Variants in CIROZ observed in about 807,000 individuals in gnomAD.
The protein encoded by CIROZ is ciliated left-right organizer protein containing ZP-N domains, also known as ciliated left-right organizer ZP-N domains-containing protein.
At chr1:10,954,453 C>CAAAAAAA in the CIROZ span, among the ~76,000 whole-genome samples, 1 of 117,334 alleles carries the variant, frequency 8.5e-6, no homozygotes, top group Admixed American at 8.0e-5. Context: ...GACTCTGTCT[C>CAAAAAAA]AAAAAAAAAA....
At chr1:10,957,252 T>C in the CIROZ span, 40 of 651,334 alleles carry the variant, frequency 6.1e-5, no homozygotes, top group Non-Finnish European at 7.4e-5. Context: ...TCAGGGATTA[T>C]GGCGCCGATG....
the CIROZ span, chr1:10,947,850 CTCAGGGTTTGCG>C: frequency 6.2e-7 from 1 of 1,606,192 alleles, no homozygotes; most frequent in African/African-American, 1.3e-5. Context: ...AGCCCACAGG[CTCAGGGTTTGCG>C]TGGATGGAGG....
At chr1:10,971,744 CGCACTGAG>C in the CIROZ span, among the ~76,000 whole-genome samples, 1 of 152,134 alleles carries the variant, frequency 6.6e-6, no homozygotes, top group Admixed American at 6.5e-5. Context: ...AAGGTTGTCT[CGCACTGAG>C]GCAAAGAGAA....
At chr1:10,981,977 T>C in the CIROZ span, 1 of 1,537,078 alleles carries the variant, frequency 6.5e-7, no homozygotes, top group African/African-American at 1.4e-5. Context: ...AGCATGCCAC[T>C]GGCTTCTCCC....
At chr1:10,947,676 C>T in the CIROZ span, 1 of 1,505,424 alleles carries the variant, frequency 6.6e-7, no homozygotes, top group Non-Finnish European at 8.9e-7. Context: ...GCGTGAGGGC[C>T]TCTCAGAAAG....
chr1:10,949,784 G>A, the CIROZ span: 7 of 1,573,142 alleles, frequency 4.4e-6, no homozygotes, highest in Non-Finnish European at 6.0e-6. Context: ...CCTCAGTGCA[G>A]CAGTTGAGGC....
At chr1:10,981,899 C>G in the CIROZ span, 1 of 1,375,680 alleles carries the variant, frequency 7.3e-7, no homozygotes, top group Non-Finnish European at 9.9e-7. Flanking sequence ...GCCCCCTTCC[C>G]TCTTAGATGC....
the CIROZ span, among the ~76,000 whole-genome samples, chr1:10,955,777 G>A: frequency 4.4e-4 from 66 of 150,632 alleles, no homozygotes; most frequent in African/African-American, 1.5e-3. Context: ...CCTGGAGGTG[G>A]AGGTTGCAAT....
chr1:10,978,543 T>C, the CIROZ span, among the ~76,000 whole-genome samples: 1 of 151,774 alleles, frequency 6.6e-6, no homozygotes, highest in African/African-American at 2.4e-5. Flanking sequence ...ACTCGATGTC[T>C]ACAAAAAGAT....
chr1:10,955,088 T>C, the CIROZ span: 3 of 1,614,078 alleles, frequency 1.9e-6, no homozygotes. Flanking sequence ...CGGAGGAATC[T>C]GAGGCTCAGG....
the CIROZ span, among the ~76,000 whole-genome samples, chr1:10,973,146 G>A: frequency 6.6e-6 from 1 of 152,172 alleles, no homozygotes; most frequent in African/African-American, 2.4e-5. Flanking sequence ...GCCGAAGTGG[G>A]CAGATCACTT....
chr1:10,980,525 A>T, the CIROZ span, among the ~76,000 whole-genome samples: 1 of 152,236 alleles, frequency 6.6e-6, no homozygotes, highest in Non-Finnish European at 1.5e-5. Context: ...TCTTGAAGGA[A>T]GGTTCTCCCA....
chr1:10,975,912 G>A, the CIROZ span, among the ~76,000 whole-genome samples: 1 of 152,050 alleles, frequency 6.6e-6, no homozygotes, highest in Admixed American at 6.6e-5. Flanking sequence ...ATTGAAACAA[G>A]CACCGAGCTC....
the CIROZ span, chr1:10,966,367 C>A: frequency 6.6e-7 from 1 of 1,525,646 alleles, no homozygotes; most frequent in Non-Finnish European, 8.7e-7. Flanking sequence ...CCTCTTTCTG[C>A]ACAAAGCAGG....
At chr1:10,964,477 A>G in the CIROZ span, among the ~76,000 whole-genome samples, 1 of 152,204 alleles carries the variant, frequency 6.6e-6, no homozygotes, top group South Asian at 2.1e-4. Flanking sequence ...GCCCCCACCA[A>G]GGAAGCCCTC....
the CIROZ span, among the ~76,000 whole-genome samples, chr1:10,955,758 C>A: frequency 2.0e-5 from 3 of 150,764 alleles, no homozygotes; most frequent in Non-Finnish European, 2.9e-5. Context: ...GCAGGAGAAT[C>A]GCTTGAACCC....
At chr1:10,960,061 G>C in the CIROZ span, among the ~76,000 whole-genome samples, 1 of 152,164 alleles carries the variant, frequency 6.6e-6, no homozygotes, top group African/African-American at 2.4e-5. The surrounding 1 kb of genome is among the most constrained non-coding windows in gnomAD (Gnocchi z 4.6). Flanking sequence ...CAGAGGCCAG[G>C]CTGTAAGAAG....
At chr1:10,957,523 G>A in the CIROZ span, 2 of 1,533,736 alleles carry the variant, frequency 1.3e-6, no homozygotes, top group Non-Finnish European at 1.8e-6. Flanking sequence ...GTGGACATTT[G>A]ACTTGTCACT....
the CIROZ span, among the ~76,000 whole-genome samples, chr1:10,947,275 C>T: frequency 2.0e-5 from 3 of 152,358 alleles, no homozygotes; most frequent in African/African-American, 7.2e-5. Context: ...CCTCCGACAG[C>T]AGACCAAGCC....
Sources: gnomAD v4.1 joint callset for allele counts (sites outside exome capture counted in the v4.1 genomes callset) on GRCh38, gnomAD v4.1.1 for gene constraint, Gnocchi (gnomAD v3.1) non-coding constraint, MANE v1.5 for transcripts, NCBI Gene and HGNC (gene_info 2026-07-23, HGNC 2026-07-21) for gene names.